Variants in MAPK10 observed in about 807,000 individuals in gnomAD.
MAPK10 encodes JNK3 alpha protein kinase.
A neutral mutation model predicts 59.3 loss-of-function variants in MAPK10; 25 were observed. The ratio of observed to expected loss-of-function variants is 0.42; its 90% CI spans 0.31 to 0.59. MAPK10 has a LOEUF of 0.59. MAPK10 is among the 20% of genes least tolerant of loss of function. The pLI is 0.15. For missense variants in MAPK10, 351 were observed against 568.9 expected (o/e 0.62, Z 3.90); for synonymous variants, 190 against 200.5 (o/e 0.95, Z 0.44).
At chr4:86,261,688 T>C (rs1001732768) in intron 2 of MAPK10, among the ~76,000 whole-genome samples, 1 of 152,206 alleles carries the variant, frequency 6.6e-6, no homozygotes, top group African/African-American at 2.4e-5. Flanking sequence ...ATACTATAGC[T>C]TTAGACTTTT....
intron 11 of MAPK10, chr4:86,044,445 C>T (rs17405567): frequency 0.017 from 4,872 of 289,482 alleles, 66 homozygotes; most frequent in Non-Finnish European, 0.024. Context: ...GACCTCTGCT[C>T]TAACCACTTA....
chr4:86,516,139 G>A (rs956129388), intron 1 of MAPK10, among the ~76,000 whole-genome samples: 3 of 148,564 alleles, frequency 2.0e-5, no homozygotes, highest in Non-Finnish European at 3.0e-5. Context: ...TGAATAATGT[G>A]TCCTCTGCCC....
At chr4:86,528,805 G>A (rs1035704926) in intron 1 of MAPK10, among the ~76,000 whole-genome samples, 3 of 152,164 alleles carry the variant, frequency 2.0e-5, no homozygotes, top group Non-Finnish European at 2.9e-5. Context: ...GTGCTTTTCA[G>A]TCTAATTTGG....
At chr4:86,277,936 G>A (rs1403347567) in intron 2 of MAPK10, among the ~76,000 whole-genome samples, 1 of 151,964 alleles carries the variant, frequency 6.6e-6, no homozygotes, top group Non-Finnish European at 1.5e-5. Flanking sequence ...CTACTCCTAA[G>A]GATGCAAAAA....
At chr4:86,300,892 TA>T (rs35083678) in intron 2 of MAPK10, 2,636 of 133,414 alleles carry the variant, frequency 0.02, 26 homozygotes, top group South Asian at 0.037. Context: ...GTTAAAGTAT[TA>T]AAAAAAAAAA....
chr4:86,487,363 G>GTGTGTGTGTGTA (rs1754080329), intron 1 of MAPK10, among the ~76,000 whole-genome samples: 1 of 1,722 alleles, frequency 5.8e-4, no homozygotes, highest in Admixed American at 0.014. Context: ...GAGAGAGAGA[G>GTGTGTGTGTGTA]TGTGTGTGTG....
chr4:86,251,774 T>C (rs1021750394), intron 2 of MAPK10, among the ~76,000 whole-genome samples: 12 of 136,684 alleles, frequency 8.8e-5, no homozygotes, highest in African/African-American at 3.5e-4. Flanking sequence ...ATGGTTGAAC[T>C]AGTTGACAGT....
chr4:86,305,836 A>T (rs968108810), intron 2 of MAPK10, among the ~76,000 whole-genome samples: 2 of 152,122 alleles, frequency 1.3e-5, no homozygotes, highest in Admixed American at 6.5e-5. Context: ...AAAAAAAAAA[A>T]ATCAAAACAG....
intron 1 of MAPK10, among the ~76,000 whole-genome samples, chr4:86,413,310 C>T (rs946814980): frequency 7.2e-5 from 11 of 152,128 alleles, no homozygotes; most frequent in Admixed American, 2.6e-4. Flanking sequence ...ACCTGTATGA[C>T]GTGTCTGTCG....
chr4:86,373,077 C>T (rs1739162070), intron 1 of MAPK10, among the ~76,000 whole-genome samples: 1 of 152,130 alleles, frequency 6.6e-6, no homozygotes, highest in Non-Finnish European at 1.5e-5. Flanking sequence ...ACCAATGGAA[C>T]AGAACAGAGG....
chr4:86,574,010 T>A (rs1279297757), intron 1 of MAPK10, among the ~76,000 whole-genome samples: 2 of 152,172 alleles, frequency 1.3e-5, no homozygotes, highest in Non-Finnish European at 2.9e-5. Context: ...ACCCATTAAC[T>A]CGTCATTTAG....
intron 1 of MAPK10, among the ~76,000 whole-genome samples, chr4:86,547,395 G>C (rs1456223917): frequency 6.6e-6 from 1 of 152,214 alleles, no homozygotes; most frequent in East Asian, 1.9e-4. Context: ...ACTCCCAGCA[G>C]TCGGCCGGCC....
intron 4 of MAPK10, among the ~76,000 whole-genome samples, chr4:86,148,542 C>T (rs549537129): frequency 2.0e-5 from 3 of 151,680 alleles, no homozygotes; most frequent in Admixed American, 6.6e-5. Flanking sequence ...GATAGCCCAG[C>T]GGGGTATGAT....
intron 1 of MAPK10, among the ~76,000 whole-genome samples, chr4:86,574,407 T>G (rs1169928971): frequency 7.9e-5 from 12 of 151,674 alleles, no homozygotes; most frequent in Admixed American, 2.0e-4. Context: ...TTATAGTCCT[T>G]TGGGCATATA....
intron 4 of MAPK10, chr4:86,107,627 A>G (rs1481853190): frequency 9.4e-7 from 1 of 1,060,956 alleles, no homozygotes; most frequent in African/African-American, 1.7e-5. Context: ...GAAGAAAAAG[A>G]TCTTGCCAAG....
intron 9 of MAPK10, chr4:86,089,121 T>C (rs1343138660): frequency 3.0e-6 from 3 of 1,003,870 alleles, no homozygotes; most frequent in Non-Finnish European, 4.5e-6. Context: ...AGTGAACAAA[T>C]ACCATAAGCA....
chr4:86,342,150 T>C (rs1725347769), intron 2 of MAPK10, among the ~76,000 whole-genome samples: 1 of 152,312 alleles, frequency 6.6e-6, no homozygotes, highest in African/African-American at 2.4e-5. Flanking sequence ...TCCATTTGCG[T>C]AGGGAAAAGT....
At chr4:86,163,665 A>G (rs1227105906) in intron 3 of MAPK10, among the ~76,000 whole-genome samples, 1 of 152,182 alleles carries the variant, frequency 6.6e-6, no homozygotes, top group Non-Finnish European at 1.5e-5. Flanking sequence ...ATTCAGTAAT[A>G]CTAGGATAAG....
chr4:86,242,810 C>A (rs892999595), intron 2 of MAPK10, among the ~76,000 whole-genome samples: 1 of 152,206 alleles, frequency 6.6e-6, no homozygotes, highest in East Asian at 1.9e-4. Context: ...TGCTGCCCCT[C>A]CCCAAAGGAG....
Sources: gnomAD v4.1 joint callset for allele counts (sites outside exome capture counted in the v4.1 genomes callset) on GRCh38, gnomAD v4.1.1 for gene constraint, MANE v1.5 for transcripts, NCBI Gene and HGNC (gene_info 2026-07-23, HGNC 2026-07-21) for gene names.